The following PTBP2 variants were observed in gnomAD, a reference collection of about 807,000 sequenced individuals.
PTBP2 encodes polypyrimidine tract-binding protein 2.
PTBP2 carries 13 observed loss-of-function variants against 61.4 expected under a neutral mutation model. The observed-to-expected ratio is 0.21, with a 90% CI of 0.14 to 0.34. PTBP2 has a LOEUF of 0.34. Ranked by LOEUF, PTBP2 falls within the 10% of genes least tolerant of loss-of-function variation. The pLI is 1.00. For missense variants in PTBP2, 405 were observed against 642.6 expected (o/e 0.63, Z 4.00); for synonymous variants, 215 against 218.5 (o/e 0.98, Z 0.14).
At chr1:96,810,513 T>C (rs957510537) in intron 11 of PTBP2, among the ~76,000 whole-genome samples, 18 of 152,202 alleles carry the variant, frequency 1.2e-4, no homozygotes, top group African/African-American at 4.3e-4. Flanking sequence ...GGCTACTTCC[T>C]GAGGTAGCTG....
chr1:96,778,156 CTAT>C (rs1190483554), intron 7 of PTBP2, among the ~76,000 whole-genome samples: 1 of 139,084 alleles, frequency 7.2e-6, no homozygotes, highest in Admixed American at 7.2e-5. Flanking sequence ...ATGTGGGTTT[CTAT>C]TATTTTACTT....
chr1:96,780,787 C>A (rs1446669837), intron 7 of PTBP2, among the ~76,000 whole-genome samples: 3 of 152,052 alleles, frequency 2.0e-5, no homozygotes, highest in South Asian at 2.1e-4. Context: ...AAGAACCTGG[C>A]GGACTAATGA....
chr1:96,730,928 G>T (rs6661004), intron 2 of PTBP2, among the ~76,000 whole-genome samples: 84,328 of 151,988 alleles, frequency 0.55, 23,681 homozygotes, highest in East Asian at 0.65. Flanking sequence ...ATTCTGTATA[G>T]TTGCTTGATT....
At chr1:96,750,620 T>C (rs976125747) in intron 2 of PTBP2, among the ~76,000 whole-genome samples, 10 of 152,062 alleles carry the variant, frequency 6.6e-5, no homozygotes, top group Non-Finnish European at 1.5e-4. Context: ...TTTTTTCATT[T>C]TGATGGTTGC....
intron 8 of PTBP2, among the ~76,000 whole-genome samples, chr1:96,794,702 C>A (rs1438750120): frequency 1.3e-5 from 2 of 152,220 alleles, no homozygotes; most frequent in East Asian, 1.9e-4. Flanking sequence ...TGAGTTAGAT[C>A]TAATTGGAGG....
exon 14 of PTBP2, chr1:96,822,338 A>G (rs1253954608): frequency 6.6e-6 from 1 of 152,222 alleles, no homozygotes; most frequent in Non-Finnish European, 1.5e-5. Flanking sequence ...GGGACAAAAA[A>G]GGACCAGAAT....
chr1:96,750,249 A>C (rs1159808674), intron 2 of PTBP2, among the ~76,000 whole-genome samples: 4 of 152,104 alleles, frequency 2.6e-5, no homozygotes, highest in Non-Finnish European at 5.9e-5. Context: ...TGTGAGAATC[A>C]GTAATGTATA....
intron 4 of PTBP2, 46 bp from the exon 5 acceptor site, chr1:96,770,662 T>C (rs1306556685): frequency 6.8e-7 from 1 of 1,477,944 alleles, no homozygotes; most frequent in African/African-American, 1.4e-5. Flanking sequence ...GATATTAATT[T>C]TATTTGAATT....
Position 96,738,744 on chromosome 1 carries a change from C to T in PTBP2, c.40-12681C>T, listed in dbSNP as rs776500607. Among the ~76,000 whole-genome samples, 12 of 152,208 alleles carry T rather than the reference C, an allele frequency of 7.9e-5. No homozygotes were observed. The South Asian group carries it at 8.3e-4, about 11-fold the overall frequency. On this transcript the variant is annotated intron_variant, in intron 2 of 13. Transcript: ENST00000674951. Reference sequence around the variant, plus strand: ...TCTTATGTACAATTCAAATATATGTCGGTTTAAATACCAAAATACCACTTT... The same window carrying T: ...TCTTATGTACAATTCAAATATATGTTGGTTTAAATACCAAAATACCACTTT...
In PTBP2 at chr1:96,728,869, C is replaced by A. The variant is rs566116289; in HGVS notation, c.39+5275C>A. ...TTTGTGCATTGTTTGATTAGATTTA[C>A]CCATAAGTATTTTATGTATTTTGAA... On this transcript the variant is annotated intron_variant, in intron 2 of 13. Transcript: ENST00000674951. 1.4e-3 allele frequency among the ~76,000 whole-genome samples: 204 copies of A among 149,138 alleles called. 1 individual carries two copies. Among genetic ancestry groups the A allele is most frequent in the South Asian group, 1.7e-3 (8 of 4,734 alleles).
intron 9 of PTBP2, among the ~76,000 whole-genome samples, chr1:96,805,929 T>C (rs1319938879): frequency 6.6e-6 from 1 of 152,238 alleles, no homozygotes; most frequent in East Asian, 1.9e-4. Context: ...AGATGTACTT[T>C]ACCCATATTT....
Position 96,806,401 on chromosome 1 carries a change from T to C in PTBP2, c.1045-18T>C. 6 of 1,562,746 alleles carry C rather than the reference T, an allele frequency of 3.8e-6. No individual in the cohort carries two copies. Among genetic ancestry groups the C allele is most frequent in the Non-Finnish European group, 3.5e-6 (4 of 1,133,346 alleles). On this transcript the variant is annotated intron_variant, in intron 9 of 13. Transcript: ENST00000674951. ...TCTCTTCTTGTCTTACGCTGCTTGCTCTTCTCTCCTTCTAAAGATGGTTAC... is the reference window on the plus strand; with the variant it reads ...TCTCTTCTTGTCTTACGCTGCTTGCCCTTCTCTCCTTCTAAAGATGGTTAC...
intron 2 of PTBP2, among the ~76,000 whole-genome samples, chr1:96,724,423 A>G (rs1202237930): frequency 1.3e-5 from 2 of 151,562 alleles, no homozygotes; most frequent in Non-Finnish European, 2.9e-5. Context: ...GCTAATTTGT[A>G]TTTTTAGTAG....
At chr1:96,726,704 T>A (rs1650598615) in intron 2 of PTBP2, among the ~76,000 whole-genome samples, 4 of 152,162 alleles carry the variant, frequency 2.6e-5, no homozygotes, top group Admixed American at 2.6e-4. Context: ...CCCAAAGTGC[T>A]GGGATTACAA....
At chr1:96,751,072 T>C (rs937739839) in intron 2 of PTBP2, among the ~76,000 whole-genome samples, 1 of 152,058 alleles carries the variant, frequency 6.6e-6, no homozygotes, top group Non-Finnish European at 1.5e-5. Flanking sequence ...TAAAGGACCA[T>C]TGGGATGGAG....
At chr1:96,817,430 A>C (rs991148359), downstream of PTBP2, 2 of 152,128 alleles carry the variant, frequency 1.3e-5, no homozygotes, top group Non-Finnish European at 2.9e-5. Context: ...TTAGTTTTAT[A>C]GTTATTCTTT....
chr1:96,810,491 C>G (rs1661969253), intron 11 of PTBP2, among the ~76,000 whole-genome samples: 2 of 152,264 alleles, frequency 1.3e-5, no homozygotes, highest in South Asian at 2.1e-4. Flanking sequence ...GGCTAGAACT[C>G]TCTTGTTACC....
At chr1:96,816,761 T>G (rs1400067989), downstream of PTBP2, 1 of 152,140 alleles carries the variant, frequency 6.6e-6, no homozygotes, top group African/African-American at 2.4e-5. Flanking sequence ...TTTCAAAGCC[T>G]CAATGTTATT....
intron 2 of PTBP2, among the ~76,000 whole-genome samples, chr1:96,740,998 CAT>C (rs1407103728): frequency 3.3e-5 from 5 of 151,760 alleles, no homozygotes; most frequent in Admixed American, 6.6e-5. Flanking sequence ...TGAATATTAA[CAT>C]ATTGCTTTCA....
Sources: gnomAD v4.1 joint callset for allele counts (sites outside exome capture counted in the v4.1 genomes callset) on GRCh38, gnomAD v4.1.1 for gene constraint, MANE v1.5 for transcripts, NCBI Gene and HGNC (gene_info 2026-07-23, HGNC 2026-07-21) for gene names.